RASSF4: variants seen among roughly 807,000 people sequenced by gnomAD.
RASSF4 encodes the protein Ras association domain family member 4, also known as ras association domain-containing protein 4.
Under a neutral mutation model 41.1 loss-of-function variants are expected in RASSF4, and 38 were observed. That is an observed-to-expected ratio of 0.92 (90% CI 0.71 to 1.21). The LOEUF (loss-of-function observed/expected upper bound fraction) is 1.21. RASSF4 is among the 50% of genes most tolerant of loss of function. The probability of loss-of-function intolerance (pLI) is 0.00; values close to 1 mark genes in which losing one functional copy is unlikely to be tolerated. For missense variants in RASSF4, 414 were observed against 419.4 expected, an observed-to-expected ratio of 0.99 and a Z score of 0.11; for synonymous variants, 179 against 163.4, an observed-to-expected ratio of 1.10 and a Z score of -0.73.
intron 3 of RASSF4, chr10:44,982,275 C>G (rs879633449): frequency 8.3e-5 from 45 of 543,144 alleles, no homozygotes; most frequent in Admixed American, 2.3e-4. Flanking sequence ...GGACACCTGA[C>G]TCAGCCACTG....
In RASSF4 at chr10:44,991,936, T is replaced by A. The variant is rs769073473; in HGVS notation, c.839T>A (p.Val280Glu). 3.1e-6 allele frequency: 5 copies of A among 1,613,590 alleles called. No individual in the cohort carries two copies. The East Asian group carries it at 8.9e-5, about 29-fold the overall frequency. The change falls in exon 10 of 11, where the codon GTG becomes GAG. Residue 280 changes from valine to glutamate, a missense_variant. By Grantham distance (121) the Val-to-Glu change is moderately radical (BLOSUM62 -2). Coordinates refer to ENST00000340258, the MANE Select transcript of RASSF4 (RefSeq NM_032023.4). ...VAQYIKFEMPVLDSFVEKLKE... is the reference protein window; with the variant it reads ...VAQYIKFEMPELDSFVEKLKE... ...CAGTACATTAAGTTTGAAATGCCGG[T>A]GCTGGACAGTTTTGTTGAAAAATTA...
intron 3 of RASSF4, among the ~76,000 whole-genome samples, chr10:44,975,745 G>A (rs1215309551): frequency 6.6e-6 from 1 of 151,120 alleles, no homozygotes; most frequent in Admixed American, 6.6e-5. Flanking sequence ...GTATTCTACT[G>A]GGAGGGAGCG....
chr10:44,993,866 G>A lies in RASSF4; in HGVS notation c.*537G>A, dbSNP rs1277802415. ...CTAAGCCTCCAATATCACCCTGTGA[G>A]CCTCGCACAGCTCAGCCCCAACACA... On this transcript the variant is annotated 3_prime_UTR_variant, in exon 11 of 11. Transcript: ENST00000340258. 6.4e-6 allele frequency: 1 copy of A among 155,120 alleles called. No individual in the cohort carries two copies. The highest frequency in any genetic ancestry group is 2.4e-5 in the African/African-American group (1 of 41,554). The allele number at this position is 155,120 out of a possible 1,614,324, so 9.6% of individuals were successfully genotyped here.
Position 44,982,671 on chromosome 10 carries a change from C to G in RASSF4, c.281+8C>G, listed in dbSNP as rs759463985. The G allele has an allele frequency of 3.7e-6, 6 of 1,611,848 alleles. No homozygotes were observed. Among genetic ancestry groups the G allele is most frequent in the East Asian group, 4.5e-5 (2 of 44,856 alleles). On this transcript the variant is annotated splice_region_variant and intron_variant, in intron 4 of 10. Coordinates refer to ENST00000340258, the MANE Select transcript of RASSF4 (RefSeq NM_032023.4). ...ACGGCCTAGCTGCCCTCTGTGAGTA[C>G]CCGGTGGCTTCTGTGACACCTGCTC...
chr10:44,975,052 AC>A (rs1343205026), intron 3 of RASSF4, among the ~76,000 whole-genome samples: 1 of 151,898 alleles, frequency 6.6e-6, no homozygotes, highest in Non-Finnish European at 1.5e-5. Flanking sequence ...AGGCGGCAGG[AC>A]CTTTTCTGGG....
intron 3 of RASSF4, chr10:44,977,827 C>A: frequency 6.2e-7 from 1 of 1,605,634 alleles, no homozygotes; most frequent in African/African-American, 1.3e-5. Context: ...CCTGGGCTGG[C>A]CTGTGGGGTG....
chr10:44,964,154 CTG>C (rs1840812428), intron 1 of RASSF4, among the ~76,000 whole-genome samples: 1 of 152,282 alleles, frequency 6.6e-6, no homozygotes, highest in South Asian at 2.1e-4. Context: ...TGACAGCAGA[CTG>C]TCTCTCTCTG....
intron 1 of RASSF4, among the ~76,000 whole-genome samples, 198 bp downstream of exon 1, chr10:44,960,064 C>T (rs1840648172): frequency 6.6e-6 from 1 of 152,228 alleles, no homozygotes; most frequent in Non-Finnish European, 1.5e-5. Context: ...CCTGGCACCT[C>T]TGTTAAGCAA....
At chr10:44,989,548 G>A in intron 7 of RASSF4, 122 bp from the exon 8 acceptor site, 1 of 1,017,048 alleles carries the variant, frequency 9.8e-7, no homozygotes, top group Non-Finnish European at 1.6e-6. Context: ...GAGGTTGGGA[G>A]AGGACAGGTT....
chr10:44,977,115 C>T, intron 3 of RASSF4: 1 of 371,250 alleles, frequency 2.7e-6, no homozygotes. Flanking sequence ...CCCTATATTA[C>T]CCATGAGAAA....
At chr10:44,960,609 C>T (rs2132756104) in intron 1 of RASSF4, among the ~76,000 whole-genome samples, 1 of 152,334 alleles carries the variant, frequency 6.6e-6, no homozygotes, top group East Asian at 1.9e-4. Flanking sequence ...TTTTCATTAA[C>T]CTGGCACGGC....
At chr10:44,989,965 A>C (rs1382562088) in intron 8 of RASSF4, among the ~76,000 whole-genome samples, 1 of 152,242 alleles carries the variant, frequency 6.6e-6, no homozygotes, top group African/African-American at 2.4e-5. Flanking sequence ...AGCACATTAA[A>C]ATGTCCTTGG....
At chr10:44,971,513 A>G (rs1841159953) in intron 2 of RASSF4, 1 of 645,124 alleles carries the variant, frequency 1.6e-6, no homozygotes, top group South Asian at 1.5e-5. Flanking sequence ...CACCCTGGAC[A>G]TCCTGGACCA....
intron 1 of RASSF4, among the ~76,000 whole-genome samples, chr10:44,969,104 G>A (rs934361686): frequency 2.0e-5 from 3 of 149,480 alleles, no homozygotes; most frequent in Non-Finnish European, 3.0e-5. Context: ...GTATGCGTGT[G>A]TTTTTGTGTG....
intron 3 of RASSF4, among the ~76,000 whole-genome samples, chr10:44,974,622 A>AC (rs5784663): frequency 0.025 from 3,745 of 151,628 alleles, 50 homozygotes; most frequent in East Asian, 0.048. Context: ...CCTGAAAGAG[A>AC]CCCCCCCGTG....
chr10:44,982,826 G>A (rs894218667), intron 4 of RASSF4, 163 bp downstream of exon 4: 30 of 771,146 alleles, frequency 3.9e-5, no homozygotes, highest in Non-Finnish European at 5.8e-5. Flanking sequence ...CCACAGCCTC[G>A]CCCAGGGTGG....
At chr10:44,979,721 A>C (rs1841622583) in intron 3 of RASSF4, among the ~76,000 whole-genome samples, 1 of 152,106 alleles carries the variant, frequency 6.6e-6, no homozygotes, top group African/African-American at 2.4e-5. Flanking sequence ...GGGCCTGCAG[A>C]CTGGCCCATG....
chr10:44,984,214 C>G, intron 5 of RASSF4, 101 bp downstream of exon 5: 3 of 1,218,758 alleles, frequency 2.5e-6, no homozygotes, highest in Non-Finnish European at 3.4e-6. Context: ...GCTTTGTGCC[C>G]CAGCCAACGA....
At chr10:44,978,429 C>T (rs1841548285) in intron 3 of RASSF4, among the ~76,000 whole-genome samples, 1 of 152,164 alleles carries the variant, frequency 6.6e-6, no homozygotes. Flanking sequence ...ATAAATACCC[C>T]TGGCCGGGAT....
Sources: gnomAD v4.1 joint callset for allele counts (sites outside exome capture counted in the v4.1 genomes callset) on GRCh38, gnomAD v4.1.1 for gene constraint, MANE v1.5 for transcripts, NCBI Gene and HGNC (gene_info 2026-07-23, HGNC 2026-07-21) for gene names.